BCAS3: variants seen among roughly 807,000 people sequenced by gnomAD.
The protein encoded by BCAS3 is BCAS4/BCAS3 fusion.
Under a neutral mutation model 116.1 loss-of-function variants are expected in BCAS3, and 53 were observed. The observed-to-expected ratio is 0.46, with a 90% confidence interval of 0.37 to 0.57. BCAS3 has a LOEUF of 0.57. Ranked by LOEUF, BCAS3 falls within the 20% of genes least tolerant of loss-of-function variation. BCAS3 has a pLI of 0.00. For missense variants in BCAS3, 917 were observed against 1,165.4 expected, an observed-to-expected ratio of 0.79 and a Z score of 3.10; for synonymous variants, 391 against 408.2, an observed-to-expected ratio of 0.96 and a Z score of 0.51.
chr17:60,737,310 T>G (rs957080215), intron 5 of BCAS3, among the ~76,000 whole-genome samples: 1 of 152,080 alleles, frequency 6.6e-6, no homozygotes, highest in African/African-American at 2.4e-5. Context: ...TTGGCTAGAG[T>G]CTTAATTTTA....
Position 60,924,509 on chromosome 17 carries a change from G to A in BCAS3, c.1087+9G>A, listed in dbSNP as rs953845232. ...GGCTTTTAATACAAGTGGTAAGTTC[G>A]CTCTCTGTCTTTTTTTTTTTTTTTT... On this transcript the variant is annotated intron_variant, in intron 13 of 23. Transcript: ENST00000407086. The A allele has an allele frequency of 3.4e-5, 53 of 1,561,298 alleles. No homozygotes were observed. Among genetic ancestry groups the A allele is most frequent in the East Asian group, 4.5e-5 (2 of 44,054 alleles).
At chr17:60,833,638 A>C (rs1225769751) in intron 7 of BCAS3, among the ~76,000 whole-genome samples, 1 of 152,234 alleles carries the variant, frequency 6.6e-6, no homozygotes, top group African/African-American at 2.4e-5. Flanking sequence ...TGAACTACCA[A>C]GTTTCAAAAT....
At chr17:60,924,833 T>A (rs1449718129) in intron 13 of BCAS3, among the ~76,000 whole-genome samples, 1 of 152,004 alleles carries the variant, frequency 6.6e-6, no homozygotes, top group Non-Finnish European at 1.5e-5. Flanking sequence ...AGCAGTATTT[T>A]TTTTTTGTAA....
intron 22 of BCAS3, among the ~76,000 whole-genome samples, chr17:61,154,389 T>G (rs2077711865): frequency 6.6e-6 from 1 of 152,124 alleles, no homozygotes; most frequent in African/African-American, 2.4e-5. Flanking sequence ...GCAAAAATTC[T>G]GTGATTTCAG....
chr17:61,194,667 G>C (rs2080367706), intron 22 of BCAS3, among the ~76,000 whole-genome samples: 1 of 150,004 alleles, frequency 6.7e-6, no homozygotes, highest in Admixed American at 6.7e-5. Context: ...TTAAACCTGA[G>C]AGGCAGAGGT....
In BCAS3 at chr17:61,161,172, T is replaced by C. The variant is rs961531555; in HGVS notation, c.2425+76608T>C. Among the ~76,000 whole-genome samples, 30 of 152,208 alleles carry C rather than the reference T, an allele frequency of 2.0e-4. No individual in the cohort carries two copies. Among genetic ancestry groups the C allele is most frequent in the African/African-American group, 6.3e-4 (26 of 41,452 alleles). ...TAACCACATTAAAATGGAAAAGTTA[T>C]TTCATTTTTAGTATACTGTATTTCA... is the stretch of plus-strand genomic sequence containing the variant. On this transcript the variant is annotated intron_variant, in intron 22 of 23. Transcript: ENST00000407086. The surrounding 1 kb of genome is among the most constrained non-coding windows in gnomAD (Gnocchi z 4.8).
At chr17:60,939,467 C>T (rs1048110266) in intron 13 of BCAS3, among the ~76,000 whole-genome samples, 1 of 151,928 alleles carries the variant, frequency 6.6e-6, no homozygotes, top group African/African-American at 2.4e-5. Flanking sequence ...GAAACAGCTA[C>T]GGAATGGATA....
intron 13 of BCAS3, among the ~76,000 whole-genome samples, chr17:60,936,844 G>T (rs2145206654): frequency 6.6e-6 from 1 of 152,288 alleles, no homozygotes; most frequent in East Asian, 1.9e-4. Flanking sequence ...CTTTTGCTGT[G>T]CAGACGCTCT....
chr17:60,751,223 CAAT>C (rs1244176401), intron 6 of BCAS3, among the ~76,000 whole-genome samples: 2 of 152,074 alleles, frequency 1.3e-5, no homozygotes, highest in African/African-American at 2.4e-5. Flanking sequence ...TGGCCACTAT[CAAT>C]AATAATTGAT....
In BCAS3 at chr17:61,235,360, A is replaced by G. The variant is rs931776620; in HGVS notation, c.2426-132967A>G. On this transcript the variant is annotated intron_variant, in intron 22 of 23. Transcript: ENST00000407086. The surrounding 1 kb of genome is among the most constrained non-coding windows in gnomAD (Gnocchi z 5.0). ...CAGCCTGGGAAGATCTCAAACAAGT[A>G]ACCTTCAATGAAAATGTACAGTTTT... is the stretch of plus-strand genomic sequence containing the variant. Among the ~76,000 whole-genome samples, 3 of 152,242 alleles carry G rather than the reference A, an allele frequency of 2.0e-5. No individual in the cohort carries two copies. The highest frequency in any genetic ancestry group is 4.8e-5 in the African/African-American group (2 of 41,472).
At chr17:60,771,546 C>T (rs573866372) in intron 6 of BCAS3, among the ~76,000 whole-genome samples, 619 of 134,900 alleles carry the variant, frequency 4.6e-3, no homozygotes, top group African/African-American at 0.022. Flanking sequence ...GGATTAGTGA[C>T]GGGTATCTTT....
rs138368027 is a variant in BCAS3, at chr17:60,894,330, G to A, written c.738+4559G>A. Among the ~76,000 whole-genome samples, 231 of 151,748 alleles carry A rather than the reference G, an allele frequency of 1.5e-3. 1 individual carries two copies. Among genetic ancestry groups the A allele is most frequent in the African/African-American group, 5.3e-3 (219 of 41,366 alleles). ...AATTTCTTCTTATATATATATTTTCGTAACTATTGTAAATGTGATTGCCTC... is the reference window on the plus strand; with the variant it reads ...AATTTCTTCTTATATATATATTTTCATAACTATTGTAAATGTGATTGCCTC... On this transcript the variant is annotated intron_variant, in intron 10 of 23. Transcript: ENST00000407086.
At chr17:61,044,000 G>A (rs1425160513) in intron 19 of BCAS3, among the ~76,000 whole-genome samples, 2 of 151,932 alleles carry the variant, frequency 1.3e-5, no homozygotes, top group Non-Finnish European at 2.9e-5. Flanking sequence ...ACTACTCAGT[G>A]ATTCGCTAGA....
At chr17:61,223,798 C>T (rs1019624376) in intron 22 of BCAS3, among the ~76,000 whole-genome samples, 1 of 152,160 alleles carries the variant, frequency 6.6e-6, no homozygotes, top group East Asian at 1.9e-4. Context: ...CCTCTGAGGG[C>T]CTTTGATGAG....
intron 22 of BCAS3, among the ~76,000 whole-genome samples, chr17:61,170,591 C>T (rs889705113): frequency 3.3e-5 from 5 of 152,094 alleles, no homozygotes; most frequent in Admixed American, 6.5e-5. Context: ...CGCGCCTGGC[C>T]GATACGATGT....
intron 16 of BCAS3, among the ~76,000 whole-genome samples, chr17:61,025,483 G>A (rs915509612): frequency 1.1e-4 from 16 of 151,958 alleles, no homozygotes; most frequent in African/African-American, 3.6e-4. Flanking sequence ...AATAAAAATA[G>A]TAACATTTAT....
intron 15 of BCAS3, among the ~76,000 whole-genome samples, chr17:60,998,771 C>A (rs937506143): frequency 6.6e-6 from 1 of 151,980 alleles, no homozygotes; most frequent in Non-Finnish European, 1.5e-5. Flanking sequence ...TTTTCCCATT[C>A]TGTAGATTGT....
rs1259808961 is a variant in BCAS3, at chr17:61,073,822, A to G, written c.2030-1098A>G. Among the ~76,000 whole-genome samples, 2 of 152,048 alleles carry G rather than the reference A, an allele frequency of 1.3e-5. No individual in the cohort carries two copies. Among genetic ancestry groups the G allele is most frequent in the Non-Finnish European group, 2.9e-5 (2 of 68,024 alleles). On this transcript the variant is annotated intron_variant, in intron 19 of 23. Coordinates refer to ENST00000407086, the MANE Select transcript of BCAS3 (RefSeq NM_017679.5). This position sits in a 1 kb window ranked among gnomAD's most constrained non-coding sequence, Gnocchi z 4.6. The stretch of plus-strand genomic sequence containing the variant: ...TTGCTTGATTTCTCTGAGTATTAAA[A>G]TGGTAGGCCAGGCGTGGTGGTTCAT...
intron 4 of BCAS3, 65 bp downstream of exon 4, chr17:60,689,826 A>G (rs995255478): frequency 9.0e-7 from 1 of 1,113,950 alleles, no homozygotes; most frequent in African/African-American, 1.6e-5. Context: ...TGATTCCAAA[A>G]AGAGAGCCTC....
Sources: gnomAD v4.1 joint callset for allele counts (sites outside exome capture counted in the v4.1 genomes callset) on GRCh38, gnomAD v4.1.1 for gene constraint, Gnocchi (gnomAD v3.1) non-coding constraint, MANE v1.5 for transcripts, NCBI Gene and HGNC (gene_info 2026-07-23, HGNC 2026-07-21) for gene names.